Variants in DLG2 observed in about 807,000 individuals in gnomAD.
The protein encoded by DLG2 is disks large homolog 2.
DLG2 carries 45 observed loss-of-function variants against 132.5 expected under a neutral mutation model. The observed-to-expected ratio is 0.34, with a 90% CI of 0.27 to 0.44. DLG2 has a LOEUF of 0.44. DLG2 is among the 20% of genes least tolerant of loss of function. The probability of loss-of-function intolerance (pLI) is 1.00; values close to 1 mark genes in which losing one functional copy is unlikely to be tolerated. For synonymous variants in DLG2, 424 were observed against 419.6 expected, an observed-to-expected ratio of 1.01 and a Z score of -0.13; for missense variants, 1,045 against 1,196.9, an observed-to-expected ratio of 0.87 and a Z score of 1.87.
At chr11:85,620,411 G>A (rs933372338) in intron 2 of DLG2, among the ~76,000 whole-genome samples, 4 of 152,248 alleles carry the variant, frequency 2.6e-5, no homozygotes, top group South Asian at 2.1e-4. Flanking sequence ...GAAAGGAAAC[G>A]TTACACATTT....
At chr11:85,332,389 C>G (rs2081824774) in intron 3 of DLG2, among the ~76,000 whole-genome samples, 1 of 152,122 alleles carries the variant, frequency 6.6e-6, no homozygotes, top group Non-Finnish European at 1.5e-5. Context: ...GCACAGATTG[C>G]AAATATTTTC....
intron 17 of DLG2, among the ~76,000 whole-genome samples, chr11:83,809,492 A>G (rs147503735): frequency 2.3e-3 from 346 of 152,266 alleles, no homozygotes; most frequent in Middle Eastern, 0.01. Context: ...TGTCTACTAT[A>G]GAGACCTGCT....
At chr11:84,904,935 G>T (rs1310123886) in intron 6 of DLG2, among the ~76,000 whole-genome samples, 4 of 152,050 alleles carry the variant, frequency 2.6e-5, no homozygotes, top group African/African-American at 9.7e-5. Flanking sequence ...TTTTTGTTTT[G>T]TTTTTTGAGA....
intron 6 of DLG2, among the ~76,000 whole-genome samples, chr11:84,977,077 C>G (rs2055012365): frequency 6.6e-6 from 1 of 151,946 alleles, no homozygotes; most frequent in Non-Finnish European, 1.5e-5. Flanking sequence ...AATCGTAATT[C>G]TGTTCAAGTG....
chr11:85,071,774 C>T (rs764575710), intron 6 of DLG2, among the ~76,000 whole-genome samples: 6 of 151,718 alleles, frequency 4.0e-5, no homozygotes, highest in Non-Finnish European at 8.8e-5. Flanking sequence ...TAAATTCTGG[C>T]GATTCATATG....
intron 4 of DLG2, among the ~76,000 whole-genome samples, chr11:85,228,584 C>T (rs1331350485): frequency 6.6e-6 from 1 of 151,910 alleles, no homozygotes; most frequent in Non-Finnish European, 1.5e-5. Context: ...ACCTCACTAC[C>T]TCTGATTATA....
At chr11:83,673,238 A>G (rs1187850401) in intron 18 of DLG2, among the ~76,000 whole-genome samples, 1 of 152,228 alleles carries the variant, frequency 6.6e-6, no homozygotes, top group African/African-American at 2.4e-5. Context: ...GAGTTTTTTA[A>G]AAAAGCAATA....
At chr11:83,585,160 T>C (rs1343419902) in intron 19 of DLG2, among the ~76,000 whole-genome samples, 1 of 152,236 alleles carries the variant, frequency 6.6e-6, no homozygotes, top group Non-Finnish European at 1.5e-5. Context: ...AAGATTCTTC[T>C]ACTATCACTG....
At chr11:85,380,117 A>T (rs983755963) in intron 3 of DLG2, among the ~76,000 whole-genome samples, 7 of 152,216 alleles carry the variant, frequency 4.6e-5, no homozygotes, top group Non-Finnish European at 1.0e-4. Flanking sequence ...GCTAACATTC[A>T]TTTGATGCAT....
At chr11:84,227,505 A>G (rs2097018998) in intron 8 of DLG2, among the ~76,000 whole-genome samples, 1 of 152,180 alleles carries the variant, frequency 6.6e-6, no homozygotes, top group Non-Finnish European at 1.5e-5. Flanking sequence ...ATCTGTAAGA[A>G]TATAGTTATT....
intron 7 of DLG2, among the ~76,000 whole-genome samples, chr11:84,374,833 C>T (rs1389192980): frequency 6.6e-6 from 1 of 152,138 alleles, no homozygotes; most frequent in Non-Finnish European, 1.5e-5. Flanking sequence ...TCTCATGACA[C>T]TTAGTCTTTC....
At position 83,995,772 on chromosome 11, in the gene DLG2, G is replaced by A. The variant is rs551440507; in HGVS notation, c.920-15130C>T. On this transcript the variant is annotated intron_variant, in intron 11 of 27. Transcript: ENST00000376104. ...GTGCTGGGGAAACTGGATATCCATA[G>A]GCAGAAGAATGAAACTAGACCCCTA... Among the ~76,000 whole-genome samples the A allele has an allele frequency of 3.3e-5, 5 of 152,118 alleles. No individual in the cohort carries two copies. The South Asian group carries it at 1.0e-3, about 32-fold the overall frequency.
chr11:84,790,622 G>A (rs1565970608), intron 6 of DLG2, among the ~76,000 whole-genome samples: 2 of 152,250 alleles, frequency 1.3e-5, no homozygotes, highest in African/African-American at 2.4e-5. Flanking sequence ...TGCTTTGGTT[G>A]CCTGTGCTTG....
At chr11:83,819,267 C>T (rs2050004965) in intron 17 of DLG2, among the ~76,000 whole-genome samples, 1 of 151,516 alleles carries the variant, frequency 6.6e-6, no homozygotes, top group African/African-American at 2.4e-5. Context: ...GTCAGGAGTT[C>T]GAGACCAGCC....
At chr11:83,647,278 G>A (rs535137296) in intron 18 of DLG2, among the ~76,000 whole-genome samples, 1 of 151,838 alleles carries the variant, frequency 6.6e-6, no homozygotes, top group African/African-American at 2.4e-5. Context: ...CAAGGGTGGG[G>A]GCGGGGGTAT....
At chr11:85,140,626 T>G (rs747226013) in intron 5 of DLG2, among the ~76,000 whole-genome samples, 6 of 151,744 alleles carry the variant, frequency 4.0e-5, no homozygotes, top group Admixed American at 3.9e-4. Flanking sequence ...ACAATAATTA[T>G]TGTTGACTAT....
At chr11:83,988,014 CCTTGTAGACT>C (rs2093449667) in intron 11 of DLG2, among the ~76,000 whole-genome samples, 2 of 151,682 alleles carry the variant, frequency 1.3e-5, no homozygotes, top group Admixed American at 1.3e-4. Flanking sequence ...TGTTTAAGTT[CCTTGTAGACT>C]CTGGACATCA....
intron 14 of DLG2, among the ~76,000 whole-genome samples, chr11:83,933,904 A>T (rs2080901409): frequency 6.6e-6 from 1 of 152,196 alleles, no homozygotes; most frequent in Admixed American, 6.5e-5. Flanking sequence ...AGGAGAAAAA[A>T]TTTTCAGTTA....
intron 21 of DLG2, among the ~76,000 whole-genome samples, chr11:83,518,882 G>A (rs1005854397): frequency 1.3e-5 from 2 of 152,130 alleles, no homozygotes; most frequent in Non-Finnish European, 2.9e-5. Context: ...TTCTCAGCTC[G>A]TAGATTTAAA....
Sources: allele counts gnomAD v4.1 joint callset (sites outside exome capture counted in the v4.1 genomes callset), GRCh38; gene constraint gnomAD v4.1.1; transcripts MANE v1.5; gene names NCBI Gene and HGNC (gene_info 2026-07-23, HGNC 2026-07-21).